The following GORASP2 variants were observed in gnomAD, a reference collection of about 807,000 sequenced individuals.
GORASP2 encodes Golgi reassembly-stacking protein 2.
In GORASP2, 22 loss-of-function variants were observed where a neutral mutation model predicts 45.7. The ratio of observed to expected loss-of-function variants is 0.48; its 90% CI spans 0.34 to 0.69. The LOEUF is 0.69. Among genes scored for constraint, GORASP2 ranks in the 30% least tolerant of loss-of-function variants. GORASP2 has a pLI of 0.01. For missense variants in GORASP2, 491 were observed against 562.7 expected (o/e 0.87, Z 1.29); for synonymous variants, 221 against 215.6 (o/e 1.02, Z -0.22).
Position 170,929,314 on chromosome 2 carries a change from G to T in GORASP2, c.-27G>T. 7.4e-7 allele frequency: 1 copy of T among 1,347,312 alleles called. No individual in the cohort carries two copies. The highest frequency in any genetic ancestry group is 9.5e-7 in the Non-Finnish European group (1 of 1,051,308). 83.5% of individuals were successfully genotyped at this position (1,347,312 alleles called of 1,614,324 possible). On this transcript the variant is annotated 5_prime_UTR_variant, in exon 1 of 10. Transcript: ENST00000234160. ...GGGGGCGGGAGCAGCGCGGAGCCCG[G>T]CTCGGCCACACCGATCGCCCGCCGC... is the stretch of plus-strand genomic sequence containing the variant.
At position 170,962,911 on chromosome 2, in the gene GORASP2, T is replaced by A. The variant is rs1277872097; in HGVS notation, c.983T>A (p.Met328Lys). Residue 328 changes from methionine to lysine, a missense_variant, in exon 9 of 10, where the codon ATG (methionine) becomes AAG (lysine). This residue lies in a region of GORASP2 where 297 missense variants were observed against 292.3 expected (regional missense o/e 1.02). Transcript: ENST00000234160. Reference sequence around the variant, plus strand: ...CTCAACCTCCCAGCACCACACATCATGCCAGGGGTTGGCTTACCAGAACTT... The same window carrying A: ...CTCAACCTCCCAGCACCACACATCAAGCCAGGGGTTGGCTTACCAGAACTT... ...LNLNLPAPHIMPGVGLPELVN... is the reference protein window; with the variant it reads ...LNLNLPAPHIKPGVGLPELVN... 6.2e-7 allele frequency: 1 copy of A among 1,613,924 alleles called. No homozygotes were observed. Among genetic ancestry groups the A allele is most frequent in the East Asian group, 2.2e-5 (1 of 44,894 alleles).
intron 7 of GORASP2, 127 bp downstream of exon 7, chr2:170,956,686 T>C (rs765005219): frequency 8.0e-5 from 57 of 709,888 alleles, no homozygotes; most frequent in Non-Finnish European, 1.1e-4. Flanking sequence ...CAAGGCAGGA[T>C]TGCTTGAGCT....
chr2:170,936,866 G>T (rs1575468865), intron 1 of GORASP2: 1 of 246,918 alleles, frequency 4.0e-6, no homozygotes, highest in East Asian at 9.2e-5. Flanking sequence ...TCCAGCCTGG[G>T]TAACAGCAGC....
At chr2:170,929,548 G>A (rs1478091930) in intron 1 of GORASP2, 145 bp downstream of exon 1, 11 of 700,368 alleles carry the variant, frequency 1.6e-5, no homozygotes, top group Middle Eastern at 4.2e-4. Context: ...CCTTGGTCGA[G>A]GCTGGTTCCG....
Position 170,966,962 on chromosome 2 carries a change from G to A in GORASP2, c.*832G>A, listed in dbSNP as rs150507030. ...CTAAATTACAACCCTTAATTGCCAC[G>A]TGTGCACTTACTACTCTCCAGTATG... On this transcript the variant is annotated 3_prime_UTR_variant, in exon 10 of 10. Coordinates refer to ENST00000234160, the MANE Select transcript of GORASP2 (RefSeq NM_015530.5). 1.3e-5 allele frequency: 2 copies of A among 151,994 alleles called. No individual in the cohort carries two copies. The highest frequency in any genetic ancestry group is 2.9e-5 in the Non-Finnish European group (2 of 68,020). 9.4% of individuals were successfully genotyped at this position (151,994 alleles called of 1,614,324 possible).
intron 1 of GORASP2, among the ~76,000 whole-genome samples, chr2:170,940,070 G>C (rs190128906): frequency 3.0e-4 from 46 of 152,256 alleles, no homozygotes; most frequent in African/African-American, 1.1e-3. Flanking sequence ...TGTGGAAAAG[G>C]AATATATGGT....
At chr2:170,935,592 T>C (rs1245499428) in intron 1 of GORASP2, among the ~76,000 whole-genome samples, 3 of 149,984 alleles carry the variant, frequency 2.0e-5, no homozygotes, top group South Asian at 4.2e-4. Context: ...TTTTTTTTTC[T>C]TTTTTTGACA....
At chr2:170,929,664 G>A (rs1169582580) in intron 1 of GORASP2, 2 of 613,506 alleles carry the variant, frequency 3.3e-6, no homozygotes, top group Non-Finnish European at 6.2e-6. Flanking sequence ...CGGCCAGGGG[G>A]CGGCCCTGGG....
chr2:170,942,179 T>A (rs988427949), intron 1 of GORASP2, among the ~76,000 whole-genome samples: 2 of 152,202 alleles, frequency 1.3e-5, no homozygotes, highest in Non-Finnish European at 2.9e-5. Flanking sequence ...TTTCTCCATT[T>A]CTCTATTGGG....
intron 1 of GORASP2, among the ~76,000 whole-genome samples, chr2:170,943,668 A>G (rs1300770431): frequency 1.3e-5 from 2 of 152,058 alleles, no homozygotes; most frequent in African/African-American, 4.8e-5. Context: ...ATCTTTTAAA[A>G]TCTTATTTAT....
intron 1 of GORASP2, among the ~76,000 whole-genome samples, chr2:170,941,605 T>C (rs1440718558): frequency 6.6e-6 from 1 of 152,184 alleles, no homozygotes; most frequent in African/African-American, 2.4e-5. Flanking sequence ...TTGTACTTTG[T>C]ATAAGGGGAA....
intron 1 of GORASP2, among the ~76,000 whole-genome samples, chr2:170,943,757 C>T (rs931811366): frequency 4.6e-5 from 7 of 152,174 alleles, no homozygotes; most frequent in East Asian, 1.9e-4. Context: ...ACTGTAGTCT[C>T]GACCTCCTGG....
chr2:170,936,781 G>A (rs969531250), intron 1 of GORASP2: 48 of 511,288 alleles, frequency 9.4e-5, no homozygotes, highest in Admixed American at 1.6e-4. Context: ...AATGAGATCC[G>A]GTCTCAATAA....
intron 1 of GORASP2, among the ~76,000 whole-genome samples, chr2:170,935,944 A>G (rs999484021): frequency 4.6e-5 from 7 of 152,240 alleles, no homozygotes; most frequent in Admixed American, 2.6e-4. Flanking sequence ...CAGGATTCTC[A>G]CTGGGGGAGA....
At chr2:170,957,057 G>A (rs372006205) in intron 7 of GORASP2, among the ~76,000 whole-genome samples, 28 of 152,254 alleles carry the variant, frequency 1.8e-4, no homozygotes, top group African/African-American at 6.5e-4. Context: ...GGATACACAC[G>A]GGGTTTAAAC....
intron 7 of GORASP2, among the ~76,000 whole-genome samples, chr2:170,957,391 C>T (rs1704451975): frequency 6.6e-6 from 1 of 152,172 alleles, no homozygotes; most frequent in Non-Finnish European, 1.5e-5. Flanking sequence ...ATTCTCATGC[C>T]TCAGCCTCCC....
At chr2:170,958,016 T>G (rs1041569576) in intron 7 of GORASP2, among the ~76,000 whole-genome samples, 4 of 152,230 alleles carry the variant, frequency 2.6e-5, no homozygotes, top group Admixed American at 2.0e-4. Context: ...AATTTGTTTA[T>G]ATCCCACTTT....
intron 3 of GORASP2, 98 bp downstream of exon 3, chr2:170,949,840 A>C: frequency 4.6e-6 from 5 of 1,079,744 alleles, no homozygotes; most frequent in Non-Finnish European, 5.6e-6. Flanking sequence ...TTGTAAGGAT[A>C]TTATTAATAG....
At chr2:170,959,348 C>T (rs529394325) in intron 7 of GORASP2, among the ~76,000 whole-genome samples, 6 of 152,282 alleles carry the variant, frequency 3.9e-5, no homozygotes, top group South Asian at 2.1e-4. Context: ...TTCCTCATTA[C>T]GTTGTAGTTA....
Sources: allele counts gnomAD v4.1 joint callset (sites outside exome capture counted in the v4.1 genomes callset), GRCh38; gene constraint gnomAD v4.1.1; regional missense constraint gnomAD v4.1.1; transcripts MANE v1.5; gene names NCBI Gene and HGNC (gene_info 2026-07-23, HGNC 2026-07-21).